The following FAM43A variants were observed in gnomAD, a reference collection of about 807,000 sequenced individuals.
FAM43A encodes protein FAM43A.
Under a neutral mutation model 15.7 loss-of-function variants are expected in FAM43A, and 11 were observed. That is an observed-to-expected ratio of 0.70 (90% CI 0.44 to 1.16). The LOEUF is 1.16. Among genes scored for constraint, FAM43A ranks in the 50% most tolerant of loss-of-function variants. The probability of loss-of-function intolerance (pLI) is 0.00; values close to 1 mark genes in which losing one functional copy is unlikely to be tolerated. For synonymous variants in FAM43A, 319 were observed against 291.7 expected (o/e 1.09, Z -0.96); for missense variants, 573 against 620.0 (o/e 0.92, Z 0.80).
In FAM43A at chr3:194,688,409, T is replaced by C. The variant is rs1719479017; in HGVS notation, c.*311T>C. On this transcript the variant is annotated 3_prime_UTR_variant, in exon 1 of 1. Coordinates refer to ENST00000329759, the MANE Select transcript of FAM43A (RefSeq NM_153690.5). ...GGAAGGTTGGCTGAAGTTCCTAGTC[T>C]CAGGCCGTAGGTGCCTGGCCAGTTT... is the stretch of plus-strand genomic sequence containing the variant. The C allele has an allele frequency of 3.5e-6, 1 of 289,218 alleles. No individual in the cohort carries two copies. The highest frequency in any genetic ancestry group is 6.8e-6 in the Non-Finnish European group (1 of 147,846). The allele number at this position is 289,218 out of a possible 1,614,324, so 17.9% of individuals were successfully genotyped here. A position where few individuals can be genotyped will look rare whatever the true frequency, so the allele number is the denominator to read the frequency against.
chr3:194,686,075 A>G lies in FAM43A; in HGVS notation c.-752A>G, dbSNP rs1246689502. On this transcript the variant is annotated 5_prime_UTR_variant, in exon 1 of 1. Coordinates refer to ENST00000329759, the MANE Select transcript of FAM43A (RefSeq NM_153690.5). ...CTCGGAGCCCAGCGCCGTCTCGGCCAGGCCAGCCCGGACACTGAGCGGGCC... is the reference window on the plus strand; with the variant it reads ...CTCGGAGCCCAGCGCCGTCTCGGCCGGGCCAGCCCGGACACTGAGCGGGCC... 1.3e-5 allele frequency among the ~76,000 whole-genome samples: 2 copies of G among 152,148 alleles called. No homozygotes were observed. The highest frequency in any genetic ancestry group is 4.8e-5 in the African/African-American group (2 of 41,422).
chr3:194,687,578 G>A lies in FAM43A; in HGVS notation c.752G>A (p.Gly251Asp). Reference sequence around the variant, plus strand: ...CGCAGCCGCAGCGCGCCCAAGCTTGGCTCCATCACCGAGGACCTGCTCGGC... The same window carrying A: ...CGCAGCCGCAGCGCGCCCAAGCTTGACTCCATCACCGAGGACCTGCTCGGC... Reference protein sequence around the residue: ...VERSRSAPKLGSITEDLLGEQ... With the variant: ...VERSRSAPKLDSITEDLLGEQ... Residue 251 changes from glycine to aspartate, a missense_variant, in exon 1 of 1, where the codon GGC (glycine) becomes GAC (aspartate). Physicochemically the swap from Gly to Asp is moderately conservative, Grantham distance 94. Transcript: ENST00000329759. 1 of 1,586,856 alleles carries A rather than the reference G, an allele frequency of 6.3e-7. No homozygotes were observed. The highest frequency in any genetic ancestry group is 8.6e-7 in the Non-Finnish European group (1 of 1,166,474).
In FAM43A at chr3:194,687,093, C is replaced by G; in HGVS notation, c.267C>G (p.Thr89=). 6.2e-7 allele frequency: 1 copy of G among 1,613,686 alleles called. No individual in the cohort carries two copies. Among genetic ancestry groups the G allele is most frequent in the Non-Finnish European group, 8.5e-7 (1 of 1,179,938 alleles). Residue 89 remains threonine (T), a synonymous_variant, in exon 1 of 1, where the codon ACC becomes ACG. Coordinates refer to ENST00000329759, the MANE Select transcript of FAM43A (RefSeq NM_153690.5). The stretch of plus-strand genomic sequence containing the variant: ...TCCAGGCGCGCGGCGACGGCTGCAC[C>G]GACCTTGCTGTGGGCAAGATCTGGA... The part of the protein sequence containing the change: ...TTIQARGDGC[T]DLAVGKIWSK...
Position 194,687,993 on chromosome 3 carries a change from C to T in FAM43A, c.1167C>T (p.Ser389=). 7.0e-7 allele frequency: 1 copy of T among 1,426,954 alleles called. No homozygotes were observed. The highest frequency in any genetic ancestry group is 1.6e-5 in the South Asian group (1 of 60,860). The allele number at this position is 1,426,954 out of a possible 1,614,324, so 88.4% of individuals were successfully genotyped here. ...TRLLSGDSTG[S]ESSIEGGGPD... Reference sequence around the variant, plus strand: ...TGCTGTCAGGCGACAGCACGGGCAGCGAGAGCTCCATCGAGGGCGGGGGCC... The same window carrying T: ...TGCTGTCAGGCGACAGCACGGGCAGTGAGAGCTCCATCGAGGGCGGGGGCC... The change falls in exon 1 of 1, where the codon AGC becomes AGT. Residue 389 remains serine, a synonymous_variant. Coordinates refer to ENST00000329759, the MANE Select transcript of FAM43A (RefSeq NM_153690.5).
In FAM43A at chr3:194,687,637, G is replaced by A; in HGVS notation, c.811G>A (p.Glu271Lys). 6.4e-7 allele frequency: 1 copy of A among 1,564,788 alleles called. No homozygotes were observed. The highest frequency in any genetic ancestry group is 8.7e-7 in the Non-Finnish European group (1 of 1,154,112). Residue 271 changes from glutamate to lysine, a missense_variant, in exon 1 of 1, where the codon GAA becomes AAA. Physicochemically the swap from Glu to Lys is moderately conservative, Grantham distance 56. Coordinates refer to ENST00000329759, the MANE Select transcript of FAM43A (RefSeq NM_153690.5). ...GGAGCAGGAGCTGCAGGAGGAAGAG[G>A]AAGAGGAGCAACCCGAGGGCTGCCC... The part of the protein sequence containing the change: ...QLEQELQEEE[E>K]EEQPEGCPEE...
chr3:194,686,320 T>C lies in FAM43A; in HGVS notation c.-507T>C, dbSNP rs1033259682. Among the ~76,000 whole-genome samples the C allele has an allele frequency of 2.6e-5, 4 of 152,072 alleles. No individual in the cohort carries two copies. The highest frequency in any genetic ancestry group is 5.9e-5 in the Non-Finnish European group (4 of 67,990). On this transcript the variant is annotated 5_prime_UTR_variant, in exon 1 of 1. Transcript: ENST00000329759. Reference sequence around the variant, plus strand: ...ACACTCGCTGTAGAGTTTCCGCGGGTTTTGGCCCCAGTCCTGAGGGTTGTG... The same window carrying C: ...ACACTCGCTGTAGAGTTTCCGCGGGCTTTGGCCCCAGTCCTGAGGGTTGTG...
In FAM43A at chr3:194,688,501, G is replaced by A. The variant is rs1180800312; in HGVS notation, c.*403G>A. The A allele has an allele frequency of 5.4e-6, 1 of 185,862 alleles. No homozygotes were observed. 11.5% of individuals were successfully genotyped at this position (185,862 alleles called of 1,614,324 possible). A position where few individuals can be genotyped will look rare whatever the true frequency, so the allele number is the denominator to read the frequency against. ...CTTCCTCCTCCCACCCCCTGGGAGC[G>A]GCCCTGCGCTGTCACTGACATCTCA... On this transcript the variant is annotated 3_prime_UTR_variant, in exon 1 of 1. Transcript: ENST00000329759.
At position 194,688,629 on chromosome 3, in the gene FAM43A, A is replaced by T. The variant is rs1217911027; in HGVS notation, c.*531A>T. 6.0e-6 allele frequency: 1 copy of T among 165,900 alleles called. No individual in the cohort carries two copies. Among genetic ancestry groups the T allele is most frequent in the Non-Finnish European group, 1.5e-5 (1 of 68,006 alleles). The allele number at this position is 165,900 out of a possible 1,614,324, so 10.3% of individuals were successfully genotyped here. ...CAAGAATTCTGGCTGTTTACCTCAGACTCAGACCCCTGAAATGTTGCCAAA... is the reference window on the plus strand; with the variant it reads ...CAAGAATTCTGGCTGTTTACCTCAGTCTCAGACCCCTGAAATGTTGCCAAA... On this transcript the variant is annotated 3_prime_UTR_variant, in exon 1 of 1. Coordinates refer to ENST00000329759, the MANE Select transcript of FAM43A (RefSeq NM_153690.5).
Position 194,687,064 on chromosome 3 carries a change from A to G in FAM43A, c.238A>G (p.Thr80Ala). ...CGTGCTCTACCTGGGCAATGCCACC[A>G]CCATCCAGGCGCGCGGCGACGGCTG... ...YTVLYLGNAT[T>A]IQARGDGCTD... Residue 80 changes from threonine (T) to alanine (A), a missense_variant, in exon 1 of 1, where the codon ACC becomes GCC. Thr to Ala is a moderately conservative substitution (Grantham distance 58). Transcript: ENST00000329759. 1 of 1,613,546 alleles carries G rather than the reference A, an allele frequency of 6.2e-7. No homozygotes were observed. Among genetic ancestry groups the G allele is most frequent in the Non-Finnish European group, 8.5e-7 (1 of 1,179,794 alleles).
At position 194,688,708 on chromosome 3, in the gene FAM43A, G is replaced by C. The variant is rs910567429; in HGVS notation, c.*610G>C. 2 of 166,614 alleles carry C rather than the reference G, an allele frequency of 1.2e-5. No homozygotes were observed. The highest frequency in any genetic ancestry group is 2.9e-5 in the Non-Finnish European group (2 of 68,194). The allele number at this position is 166,614 out of a possible 1,614,324, so 10.3% of individuals were successfully genotyped here. ...GGGAGATGAAAGAGAGTCGCGTTTT[G>C]TTTACAGTTAAAGACATCCAATATC... On this transcript the variant is annotated 3_prime_UTR_variant, in exon 1 of 1. Transcript: ENST00000329759.
In FAM43A at chr3:194,686,740, G is replaced by C. The variant is rs1041570215; in HGVS notation, c.-87G>C. ...TATTCTTCGATCTTGCCCGGGCCGA[G>C]CCTGGCAGGGGCCGGTGGCTCAGCG... On this transcript the variant is annotated 5_prime_UTR_variant, in exon 1 of 1. Transcript: ENST00000329759. 1.7e-5 allele frequency: 22 copies of C among 1,276,066 alleles called. No individual in the cohort carries two copies. The highest frequency in any genetic ancestry group is 1.9e-5 in the Non-Finnish European group (19 of 1,006,230). 79.0% of individuals were successfully genotyped at this position (1,276,066 alleles called of 1,614,324 possible).
chr3:194,687,411 G>T lies in FAM43A; in HGVS notation c.585G>T (p.Ala195=). Residue 195 remains alanine, a synonymous_variant, in exon 1 of 1, where the codon GCG becomes GCT. Coordinates refer to ENST00000329759, the MANE Select transcript of FAM43A (RefSeq NM_153690.5). ...ALLLYQTSAN[A]LAEFKRLKRR... is the part of the protein sequence containing the mutation. ...TGCTCTACCAGACGTCGGCCAACGC[G>T]CTGGCGGAATTTAAACGCCTCAAGC... 2 of 1,534,318 alleles carry T rather than the reference G, an allele frequency of 1.3e-6. No homozygotes were observed. The highest frequency in any genetic ancestry group is 1.8e-6 in the Non-Finnish European group (2 of 1,138,896).
chr3:194,688,267 G>C lies in FAM43A; in HGVS notation c.*169G>C, dbSNP rs1489555710. The C allele has an allele frequency of 3.9e-6, 3 of 769,258 alleles. No individual in the cohort carries two copies. The highest frequency in any genetic ancestry group is 5.4e-6 in the Non-Finnish European group (3 of 552,842). 47.7% of individuals were successfully genotyped at this position (769,258 alleles called of 1,614,324 possible). On this transcript the variant is annotated 3_prime_UTR_variant, in exon 1 of 1. Transcript: ENST00000329759. ...CCCGACCGCTTTCCCCTACCTCCCG[G>C]CCCCCGCTCCCGCCCCAGCACTTTT...
At position 194,687,053 on chromosome 3, in the gene FAM43A, G is replaced by A. The variant is rs769719410; in HGVS notation, c.227G>A (p.Gly76Asp). The part of the protein sequence containing the change: ...EDPTYTVLYL[G>D]NATTIQARGD... ...CCAACTTACACCGTGCTCTACCTGG[G>A]CAATGCCACCACCATCCAGGCGCGC... The change falls in exon 1 of 1, where the codon GGC becomes GAC. Residue 76 changes from glycine (G) to aspartate (D), a missense_variant. Transcript: ENST00000329759. 6.2e-7 allele frequency: 1 copy of A among 1,613,442 alleles called. No individual in the cohort carries two copies. Among genetic ancestry groups the A allele is most frequent in the Non-Finnish European group, 8.5e-7 (1 of 1,179,662 alleles).
In FAM43A at chr3:194,687,040, G is replaced by A. The variant is rs1719434530; in HGVS notation, c.214G>A (p.Val72Met). ...CACTAGCGAGGACCCAACTTACACC[G>A]TGCTCTACCTGGGCAATGCCACCAC... ...HITSEDPTYT[V>M]LYLGNATTIQ... The change falls in exon 1 of 1, where the codon GTG (valine) becomes ATG (methionine). Residue 72 changes from valine (V) to methionine (M), a missense_variant. Coordinates refer to ENST00000329759, the MANE Select transcript of FAM43A (RefSeq NM_153690.5). 2 of 1,612,822 alleles carry A rather than the reference G, an allele frequency of 1.2e-6. No individual in the cohort carries two copies. The highest frequency in any genetic ancestry group is 1.3e-5 in the African/African-American group (1 of 74,932).
In FAM43A at chr3:194,688,673, G is replaced by A. The variant is rs1255688152; in HGVS notation, c.*575G>A. The stretch of plus-strand genomic sequence containing the variant: ...TGCCAAATTCTTCAAATAACTGTTT[G>A]GGGGGTGGGGGGAGATGAAAGAGAG... On this transcript the variant is annotated 3_prime_UTR_variant, in exon 1 of 1. Transcript: ENST00000329759. 6.0e-6 allele frequency: 1 copy of A among 167,064 alleles called. No homozygotes were observed. The allele number at this position is 167,064 out of a possible 1,614,324, so 10.3% of individuals were successfully genotyped here.
chr3:194,688,081 G>C lies in FAM43A; in HGVS notation c.1255G>C (p.Glu419Gln). 1.4e-6 allele frequency: 2 copies of C among 1,382,656 alleles called. No homozygotes were observed. Among genetic ancestry groups the C allele is most frequent in the Middle Eastern group, 2.3e-4 (1 of 4,304 alleles). 85.6% of individuals were successfully genotyped at this position (1,382,656 alleles called of 1,614,324 possible). A position where few individuals can be genotyped will look rare whatever the true frequency, so the allele number is the denominator to read the frequency against. ...SRQADGASAD[E>Q]PHSG is the part of the protein sequence containing the mutation. ...CCAGGCCGACGGCGCCAGTGCAGAC[G>C]AGCCCCACTCGGGCTGAGCTCCTCC... is the stretch of plus-strand genomic sequence containing the variant. The change falls in exon 1 of 1, where the codon GAG becomes CAG. Residue 419 changes from glutamate to glutamine, a missense_variant. Coordinates refer to ENST00000329759, the MANE Select transcript of FAM43A (RefSeq NM_153690.5).
rs113361413 is a variant in FAM43A, at chr3:194,686,507, C to G, written c.-320C>G. 8.1e-5 allele frequency: 21 copies of G among 258,044 alleles called. No individual in the cohort carries two copies. Among genetic ancestry groups the G allele is most frequent in the African/African-American group, 4.7e-4 (21 of 44,718 alleles). The allele number at this position is 258,044 out of a possible 1,614,324, so 16.0% of individuals were successfully genotyped here. A position where few individuals can be genotyped will look rare whatever the true frequency, so the allele number is the denominator to read the frequency against. On this transcript the variant is annotated 5_prime_UTR_variant, in exon 1 of 1. Transcript: ENST00000329759. ...GTTCTTTCTCCCTTGCATTTTGTTG[C>G]TTGCCTGAGACTCTTTGCTCTCGCC...
At position 194,687,791 on chromosome 3, in the gene FAM43A, G is replaced by A. The variant is rs1228899222; in HGVS notation, c.965G>A (p.Gly322Glu). 1 of 1,472,142 alleles carries A rather than the reference G, an allele frequency of 6.8e-7. No homozygotes were observed. 91.2% of individuals were successfully genotyped at this position (1,472,142 alleles called of 1,614,324 possible). A position where few individuals can be genotyped will look rare whatever the true frequency, so the allele number is the denominator to read the frequency against. Residue 322 changes from glycine (G) to glutamate (E), a missense_variant, in exon 1 of 1, where the codon GGG (glycine) becomes GAG (glutamate). By Grantham distance (98) the Gly-to-Glu change is moderately conservative. Transcript: ENST00000329759. The stretch of plus-strand genomic sequence containing the variant: ...TTGGATACTCTGGAGAATGGCCGTG[G>A]GGAGGCGCTAGGAGGCGGCGGGGGC... ...DLLDTLENGR[G>E]EALGGGGGSL... is the part of the protein sequence containing the mutation.
Sources: allele counts gnomAD v4.1 joint callset (sites outside exome capture counted in the v4.1 genomes callset), GRCh38; gene constraint gnomAD v4.1.1; transcripts MANE v1.5; gene names NCBI Gene and HGNC (gene_info 2026-07-23, HGNC 2026-07-21).